RUNX1: variants seen among roughly 807,000 people sequenced by gnomAD.
RUNX1 encodes runt-related transcription factor 1.
In RUNX1, 19 loss-of-function variants were observed where a neutral mutation model predicts 42.8. That is an observed-to-expected ratio of 0.44 (90% CI 0.31 to 0.65). The LOEUF is 0.65. Among genes scored for constraint, RUNX1 ranks in the 30% least tolerant of loss-of-function variants. The pLI is 0.07. For missense variants in RUNX1, 528 were observed against 672.0 expected (o/e 0.79, Z 2.37); for synonymous variants, 271 against 289.4 (o/e 0.94, Z 0.64).
chr21:34,888,665 T>TC, intron 3 of RUNX1: 1 of 1,045,732 alleles, frequency 9.6e-7, no homozygotes, highest in Non-Finnish European at 1.2e-6. Flanking sequence ...GGGGCGCCCG[T>TC]CCCGCCCGCG....
chr21:34,916,946 G>A (rs902103964), intron 2 of RUNX1, among the ~76,000 whole-genome samples: 1 of 152,298 alleles, frequency 6.6e-6, no homozygotes, highest in East Asian at 1.9e-4. Flanking sequence ...GATTTATGGA[G>A]GGTCAGTAAT....
intron 6 of RUNX1, among the ~76,000 whole-genome samples, chr21:34,852,927 A>G (rs757456092): frequency 6.6e-6 from 1 of 152,196 alleles, no homozygotes; most frequent in African/African-American, 2.4e-5. Flanking sequence ...GATCCATAAA[A>G]CCATCTGACA....
intron 2 of RUNX1, among the ~76,000 whole-genome samples, chr21:34,956,283 T>C (rs980001527): frequency 1.3e-5 from 2 of 152,138 alleles, no homozygotes; most frequent in Non-Finnish European, 2.9e-5. Flanking sequence ...AGAAAGAAGA[T>C]ACATTTTCTG....
intron 4 of RUNX1, among the ~76,000 whole-genome samples, chr21:34,885,790 T>G (rs2057976066): frequency 6.6e-6 from 1 of 152,212 alleles, no homozygotes; most frequent in African/African-American, 2.4e-5. Flanking sequence ...TGGAACCACC[T>G]GCCTTGATTC....
At chr21:35,026,130 G>A (rs2059234697) in intron 2 of RUNX1, among the ~76,000 whole-genome samples, 1 of 152,180 alleles carries the variant, frequency 6.6e-6, no homozygotes, top group Non-Finnish European at 1.5e-5. Context: ...AGGAGTGCTT[G>A]TACTTTTTAA....
In RUNX1 at chr21:35,041,582, G is replaced by T. The variant is rs192415412; in HGVS notation, c.58+7260C>A. On this transcript the variant is annotated intron_variant, in intron 2 of 8. Coordinates refer to ENST00000675419, the MANE Select transcript of RUNX1 (RefSeq NM_001754.5). The stretch of plus-strand genomic sequence containing the variant: ...AAACAAAATGAAAGCAAAACAAAAA[G>T]AAATTTCTAATTTCAAGAGAAAAAC... Among the ~76,000 whole-genome samples the T allele has an allele frequency of 8.6e-4, 130 of 151,130 alleles. 1 individual carries two copies. Among genetic ancestry groups the T allele is most frequent in the Admixed American group, 8.2e-3 (124 of 15,180 alleles).
chr21:35,031,597 C>T (rs1301412485), intron 2 of RUNX1, among the ~76,000 whole-genome samples: 1 of 151,896 alleles, frequency 6.6e-6, no homozygotes, highest in Non-Finnish European at 1.5e-5. Flanking sequence ...TTCATAATAA[C>T]CAAGATAAAG....
At chr21:34,878,804 T>C (rs2057853716) in intron 5 of RUNX1, among the ~76,000 whole-genome samples, 1 of 152,166 alleles carries the variant, frequency 6.6e-6, no homozygotes, top group Non-Finnish European at 1.5e-5. Flanking sequence ...TTTCAAAATC[T>C]CATTTTTTTA....
intron 2 of RUNX1, among the ~76,000 whole-genome samples, chr21:34,996,107 G>T (rs568459799): frequency 6.6e-6 from 1 of 152,156 alleles, no homozygotes; most frequent in Non-Finnish European, 1.5e-5. Context: ...ATAGCAGACT[G>T]TCAGACTTGG....
intron 2 of RUNX1, among the ~76,000 whole-genome samples, chr21:34,897,416 C>G (rs1184706492): frequency 6.6e-6 from 1 of 152,198 alleles, no homozygotes; most frequent in Non-Finnish European, 1.5e-5. Flanking sequence ...GTCTTTAGCA[C>G]AGTTCTGCAG....
At chr21:34,831,465 GAC>G (rs1383053559) in intron 7 of RUNX1, among the ~76,000 whole-genome samples, 3 of 152,188 alleles carry the variant, frequency 2.0e-5, no homozygotes, top group African/African-American at 7.2e-5. Flanking sequence ...TTTTCTTGCT[GAC>G]AGAGTCAGAG....
chr21:34,900,528 G>A (rs2058168761), intron 2 of RUNX1, among the ~76,000 whole-genome samples: 1 of 152,176 alleles, frequency 6.6e-6, no homozygotes, highest in Admixed American at 6.5e-5. Context: ...ATTACAGCAT[G>A]ACTTGATTGA....
chr21:34,952,218 G>T (rs1292355339), intron 2 of RUNX1, among the ~76,000 whole-genome samples: 3 of 152,098 alleles, frequency 2.0e-5, no homozygotes, highest in Non-Finnish European at 4.4e-5. Context: ...ATCCACCGGG[G>T]CCTGTCGGGG....
chr21:34,859,402 G>T, intron 6 of RUNX1, 72 bp downstream of exon 6: 1 of 1,167,456 alleles, frequency 8.6e-7, no homozygotes, highest in Non-Finnish European at 1.3e-6. Flanking sequence ...TCTGAGACAT[G>T]GTCCCTGAGT....
intron 5 of RUNX1, among the ~76,000 whole-genome samples, chr21:34,877,004 C>T (rs1297424833): frequency 6.6e-6 from 1 of 152,044 alleles, no homozygotes; most frequent in Non-Finnish European, 1.5e-5. Flanking sequence ...TTACAGGCGC[C>T]CGCCACCACA....
chr21:34,830,269 A>C (rs898193007), intron 7 of RUNX1, among the ~76,000 whole-genome samples: 1 of 152,216 alleles, frequency 6.6e-6, no homozygotes. Flanking sequence ...TAAAGTAAAC[A>C]GAGTGGCTGG....
chr21:35,024,818 A>C lies in RUNX1; in HGVS notation c.58+24024T>G, dbSNP rs193132014. Among the ~76,000 whole-genome samples the C allele has an allele frequency of 2.8e-4, 43 of 152,356 alleles. No individual in the cohort carries two copies. In the East Asian group the frequency reaches 8.1e-3, roughly 29 times the overall value. On this transcript the variant is annotated intron_variant, in intron 2 of 8. Coordinates refer to ENST00000675419, the MANE Select transcript of RUNX1 (RefSeq NM_001754.5). ...ATGAAATTCTCAGCATCCAGTTAGA[A>C]TTCATACAATGGTGCATATGCTTTA...
chr21:34,963,977 A>AT (rs1204599616), intron 2 of RUNX1, among the ~76,000 whole-genome samples: 1 of 152,216 alleles, frequency 6.6e-6, no homozygotes, highest in African/African-American at 2.4e-5. Context: ...TAGATGGAAG[A>AT]TTGGGATGGC....
intron 5 of RUNX1, among the ~76,000 whole-genome samples, chr21:34,878,358 A>ATATAT (rs1313894804): frequency 1.4e-5 from 2 of 145,690 alleles, no homozygotes; most frequent in African/African-American, 5.2e-5. Context: ...AAAAAAAAAA[A>ATATAT]AAATATATAT....
Sources: gnomAD v4.1 joint callset for allele counts (sites outside exome capture counted in the v4.1 genomes callset) on GRCh38, gnomAD v4.1.1 for gene constraint, MANE v1.5 for transcripts, NCBI Gene and HGNC (gene_info 2026-07-23, HGNC 2026-07-21) for gene names.